ANKRD45: variants seen among roughly 807,000 people sequenced by gnomAD.
The protein encoded by ANKRD45 is ankyrin repeat domain-containing protein 45.
In ANKRD45, 21 loss-of-function variants were observed where a neutral mutation model predicts 28.1. The ratio of observed to expected loss-of-function variants is 0.75; its 90% CI spans 0.53 to 1.08. The LOEUF (loss-of-function observed/expected upper bound fraction) is 1.08. Ranked by LOEUF, ANKRD45 falls within the 50% of genes least tolerant of loss-of-function variation. The pLI is 0.00. For synonymous variants in ANKRD45, 86 were observed against 103.9 expected, an observed-to-expected ratio of 0.83 and a Z score of 1.05; for missense variants, 261 against 308.7, an observed-to-expected ratio of 0.85 and a Z score of 1.16.
chr1:173,700,205 A>C, the ANKRD45 span, among the ~76,000 whole-genome samples: 1 of 152,248 alleles, frequency 6.6e-6, no homozygotes, highest in Non-Finnish European at 1.5e-5. Flanking sequence ...TTCCATGCTC[A>C]TGGGTAGGAA....
chr1:173,619,023 T>C (rs906054190), intron 5 of ANKRD45, among the ~76,000 whole-genome samples: 1 of 152,202 alleles, frequency 6.6e-6, no homozygotes, highest in Non-Finnish European at 1.5e-5. Context: ...CAGAATTTCA[T>C]ATCCAGCCAA....
chr1:173,621,426 A>G (rs1287019716), intron 5 of ANKRD45, among the ~76,000 whole-genome samples: 1 of 152,222 alleles, frequency 6.6e-6, no homozygotes, highest in African/African-American at 2.4e-5. Context: ...TGGCAAATCA[A>G]ATCCAGCAGC....
At chr1:173,637,631 C>G (rs1047745989) in intron 3 of ANKRD45, among the ~76,000 whole-genome samples, 2 of 152,170 alleles carry the variant, frequency 1.3e-5, no homozygotes, top group South Asian at 2.1e-4. Context: ...AATGTGAGGT[C>G]CCATTCCAGC....
At chr1:173,705,912 C>T in the ANKRD45 span, among the ~76,000 whole-genome samples, 2 of 152,168 alleles carry the variant, frequency 1.3e-5, no homozygotes, top group South Asian at 4.1e-4. Flanking sequence ...TATACACTCA[C>T]ACTATATTTC....
At chr1:173,680,668 T>C in the ANKRD45 span, among the ~76,000 whole-genome samples, 1 of 152,112 alleles carries the variant, frequency 6.6e-6, no homozygotes, top group Admixed American at 6.5e-5. Flanking sequence ...CACATGCATA[T>C]GTATGTTTAC....
At chr1:173,611,804 A>G (rs1667170709) in intron 5 of ANKRD45, among the ~76,000 whole-genome samples, 1 of 152,192 alleles carries the variant, frequency 6.6e-6, no homozygotes, top group Non-Finnish European at 1.5e-5. Flanking sequence ...ATCCAAATAA[A>G]GTTTTTTGTG....
intron 5 of ANKRD45, among the ~76,000 whole-genome samples, chr1:173,611,576 TACACACACACACACACAC>T (rs57884253): frequency 1.2e-4 from 16 of 134,006 alleles, no homozygotes; most frequent in Admixed American, 8.3e-4. Flanking sequence ...AATACATACA[TACACACACACACACACAC>T]ACACACACAC....
chr1:173,687,844 C>T, the ANKRD45 span, among the ~76,000 whole-genome samples: 1 of 152,168 alleles, frequency 6.6e-6, no homozygotes, highest in South Asian at 2.1e-4. Flanking sequence ...TTCCCTCAAT[C>T]ACCTGGGAGG....
intron 3 of ANKRD45, among the ~76,000 whole-genome samples, chr1:173,634,357 T>C (rs189260978): frequency 3.3e-5 from 5 of 152,114 alleles, no homozygotes; most frequent in African/African-American, 1.2e-4. Flanking sequence ...ATCTCCCTAC[T>C]AGAAAGTAAA....
At chr1:173,697,459 C>T in the ANKRD45 span, among the ~76,000 whole-genome samples, 2,004 of 152,270 alleles carry the variant, frequency 0.013, 51 homozygotes, top group African/African-American at 0.046. Context: ...AGGCTAACAG[C>T]GGCTCTCTCA....
intron 5 of ANKRD45, among the ~76,000 whole-genome samples, chr1:173,615,906 A>G (rs922499780): frequency 2.0e-5 from 3 of 152,162 alleles, no homozygotes; most frequent in Non-Finnish European, 2.9e-5. Flanking sequence ...GATCAAGACC[A>G]TCCTGGCTAA....
chr1:173,611,256 T>C (rs148971619), intron 5 of ANKRD45, among the ~76,000 whole-genome samples: 2,351 of 152,280 alleles, frequency 0.015, 177 homozygotes, highest in Admixed American at 0.13. Context: ...AGGAAACTCT[T>C]CTTTCTTCAT....
chr1:173,708,067 C>A, the ANKRD45 span, among the ~76,000 whole-genome samples: 1 of 152,236 alleles, frequency 6.6e-6, no homozygotes, highest in Admixed American at 6.5e-5. Context: ...TTAATAATAT[C>A]TCTTAGGGTT....
intron 2 of ANKRD45, among the ~76,000 whole-genome samples, chr1:173,654,726 G>A (rs192842903): frequency 2.7e-4 from 41 of 152,106 alleles, no homozygotes; most frequent in Admixed American, 1.6e-3. Context: ...CATCACTTTC[G>A]GGTACACCAA....
At chr1:173,613,834 A>T (rs1464687327) in intron 5 of ANKRD45, among the ~76,000 whole-genome samples, 2 of 152,114 alleles carry the variant, frequency 1.3e-5, no homozygotes, top group Non-Finnish European at 2.9e-5. Flanking sequence ...GAAAAGGGGG[A>T]AAGGTGGGGA....
the ANKRD45 span, among the ~76,000 whole-genome samples, chr1:173,689,003 A>C: frequency 1.3e-5 from 2 of 152,144 alleles, no homozygotes; most frequent in South Asian, 4.2e-4. Context: ...AATCGACTAA[A>C]AAGGTGATAA....
At chr1:173,655,997 G>A (rs929962922) in intron 2 of ANKRD45, among the ~76,000 whole-genome samples, 1 of 152,190 alleles carries the variant, frequency 6.6e-6, no homozygotes, top group Non-Finnish European at 1.5e-5. Flanking sequence ...CGTTTTTCCA[G>A]GTACAGTGTA....
chr1:173,610,928 C>G (rs1165185393), intron 5 of ANKRD45, among the ~76,000 whole-genome samples: 1 of 152,136 alleles, frequency 6.6e-6, no homozygotes, highest in African/African-American at 2.4e-5. Context: ...ATCCATTTTG[C>G]AAACAAGCCC....
upstream of ANKRD45, among the ~76,000 whole-genome samples, chr1:173,671,782 T>C (rs1015684837): frequency 4.7e-4 from 70 of 149,596 alleles, 1 homozygote; most frequent in African/African-American, 1.6e-3. Context: ...CTTGGGAGGA[T>C]GAGGCAGGAG....
Sources: gnomAD v4.1 joint callset for allele counts (sites outside exome capture counted in the v4.1 genomes callset) on GRCh38, gnomAD v4.1.1 for gene constraint, MANE v1.5 for transcripts, NCBI Gene and HGNC (gene_info 2026-07-23, HGNC 2026-07-21) for gene names.